The following DDX10 variants were observed in gnomAD, a reference collection of about 807,000 sequenced individuals.
DDX10 encodes the protein DEAD-box helicase 10, also known as probable ATP-dependent RNA helicase DDX10.
In DDX10, 74 loss-of-function variants were observed where a neutral mutation model predicts 104.3. That is an observed-to-expected ratio of 0.71 (90% CI 0.59 to 0.86). The LOEUF (loss-of-function observed/expected upper bound fraction) is 0.86, where lower values mean the gene tolerates loss of function less well. Ranked by LOEUF, DDX10 falls within the 40% of genes least tolerant of loss-of-function variation. The pLI is 0.00. For missense variants in DDX10, 952 were observed against 1,040.0 expected (o/e 0.92, Z 1.16); for synonymous variants, 351 against 353.4 (o/e 0.99, Z 0.08).
At chr11:108,782,611 A>AT (rs770687304) in intron 13 of DDX10, among the ~76,000 whole-genome samples, 86 of 149,932 alleles carry the variant, frequency 5.7e-4, no homozygotes, top group Non-Finnish European at 9.8e-4. Flanking sequence ...AGAAGTAAAT[A>AT]TTTTTTTTTT....
In DDX10 at chr11:108,677,254, T is replaced by C. The variant is rs1172109114; in HGVS notation, c.537+11T>C. On this transcript the variant is annotated intron_variant, in intron 4 of 17. Coordinates refer to ENST00000322536, the MANE Select transcript of DDX10 (RefSeq NM_004398.4). The stretch of plus-strand genomic sequence containing the variant: ...ATCATTGGTGGAAAGGTTTGTCCTT[T>C]TGTCTATGTCCTTCCTTTCCTTCTG... 1.2e-6 allele frequency: 2 copies of C among 1,609,496 alleles called. No individual in the cohort carries two copies. Among genetic ancestry groups the C allele is most frequent in the Admixed American group, 3.3e-5 (2 of 59,820 alleles).
At chr11:108,725,306 C>T (rs2128246) in intron 13 of DDX10, among the ~76,000 whole-genome samples, 18,661 of 151,970 alleles carry the variant, frequency 0.12, 1,554 homozygotes, top group East Asian at 0.27. Context: ...TTTCTCATTT[C>T]TTGGGGAAAC....
At position 108,914,444 on chromosome 11, in the gene DDX10, C is replaced by T. The variant is rs373384565; in HGVS notation, c.2305-3429C>T. On this transcript the variant is annotated intron_variant, in intron 16 of 17. Transcript: ENST00000322536. ...TTGGCTAAGTACCACATTGTACAGG[C>T]TCAGGGGAGACCCATAGGAAACTAG... is the stretch of plus-strand genomic sequence containing the variant. Among the ~76,000 whole-genome samples the T allele has an allele frequency of 5.3e-5, 8 of 152,068 alleles. No individual in the cohort carries two copies. In the East Asian group the frequency reaches 7.7e-4, roughly 15 times the overall value.
At chr11:108,778,295 A>C (rs2094372871) in intron 13 of DDX10, among the ~76,000 whole-genome samples, 1 of 152,234 alleles carries the variant, frequency 6.6e-6, no homozygotes, top group Admixed American at 6.5e-5. Context: ...TTCAAACTAT[A>C]CTACAAGGCT....
At chr11:108,770,122 G>T (rs1264877700) in intron 13 of DDX10, among the ~76,000 whole-genome samples, 1 of 152,130 alleles carries the variant, frequency 6.6e-6, no homozygotes, top group East Asian at 1.9e-4. Context: ...AAAAGGAGGA[G>T]TGTTTTTATT....
chr11:108,777,984 C>T (rs1165318246), intron 13 of DDX10, among the ~76,000 whole-genome samples: 3 of 152,248 alleles, frequency 2.0e-5, no homozygotes, highest in South Asian at 2.1e-4. Context: ...ATCCAACTTA[C>T]AAGGGATGCG....
chr11:108,887,558 C>G (rs1428314969), intron 16 of DDX10, among the ~76,000 whole-genome samples: 1 of 150,860 alleles, frequency 6.6e-6, no homozygotes. Context: ...TAAACCCACA[C>G]TAACCGGAAA....
At chr11:108,779,928 T>G (rs1024748767) in intron 13 of DDX10, among the ~76,000 whole-genome samples, 1 of 152,182 alleles carries the variant, frequency 6.6e-6, no homozygotes, top group Non-Finnish European at 1.5e-5. Context: ...TGGAGTGAGA[T>G]GAGTTAGTAT....
intron 4 of DDX10, 70 bp from the exon 5 acceptor site, chr11:108,678,245 T>C (rs918810026): frequency 4.8e-5 from 72 of 1,507,162 alleles, no homozygotes; most frequent in Non-Finnish European, 6.0e-5. Context: ...GCAGATGGCT[T>C]TTATAGCTTT....
chr11:108,755,765 T>C (rs949900333), intron 13 of DDX10, among the ~76,000 whole-genome samples: 70 of 152,156 alleles, frequency 4.6e-4, no homozygotes, highest in African/African-American at 1.5e-3. Context: ...CAGCCATTTG[T>C]AAACTGTGTA....
At chr11:108,845,859 AGTT>A (rs1238184687) in intron 15 of DDX10, among the ~76,000 whole-genome samples, 1 of 152,162 alleles carries the variant, frequency 6.6e-6, no homozygotes, top group Non-Finnish European at 1.5e-5. Context: ...GTTTGGAAGT[AGTT>A]GTTTGCTCTT....
intron 10 of DDX10, 114 bp from the exon 11 acceptor site, chr11:108,715,765 T>A: frequency 1.6e-6 from 1 of 623,624 alleles, no homozygotes; most frequent in Non-Finnish European, 2.9e-6. Flanking sequence ...GATTCATAGA[T>A]GAGAAATAGT....
chr11:108,850,946 A>T (rs1475807949), intron 15 of DDX10, among the ~76,000 whole-genome samples: 1 of 152,200 alleles, frequency 6.6e-6, no homozygotes, highest in Non-Finnish European at 1.5e-5. Context: ...ACATAGATTT[A>T]AAAAGATAAC....
intron 16 of DDX10, among the ~76,000 whole-genome samples, chr11:108,854,933 GAT>G (rs1171923673): frequency 4.6e-5 from 7 of 150,918 alleles, no homozygotes; most frequent in African/African-American, 1.7e-4. Flanking sequence ...TCAGGAATCT[GAT>G]ATGACTTTTT....
Position 108,807,866 on chromosome 11 carries a change from T to A in DDX10, c.1966-30580T>A, listed in dbSNP as rs577508768. 1.2e-4 allele frequency among the ~76,000 whole-genome samples: 19 copies of A among 152,300 alleles called. No homozygotes were observed. In the South Asian group the frequency reaches 3.9e-3, roughly 32 times the overall value. On this transcript the variant is annotated intron_variant, in intron 13 of 17. Transcript: ENST00000322536. ...TTCTGAAATACAAAATACAGGGTTT[T>A]CAGTAGGAATAGTATGAAGGAAAAG...
intron 17 of DDX10, among the ~76,000 whole-genome samples, chr11:108,933,010 A>C (rs1863992582): frequency 6.6e-6 from 1 of 151,960 alleles, no homozygotes; most frequent in Non-Finnish European, 1.5e-5. Context: ...ATGCTGTTAA[A>C]GAAAAAAATT....
intron 13 of DDX10, among the ~76,000 whole-genome samples, chr11:108,823,891 A>G (rs528709443): frequency 6.6e-6 from 1 of 152,314 alleles, no homozygotes; most frequent in South Asian, 2.1e-4. Context: ...TTTTGTTCAA[A>G]CAAATTCTGA....
At position 108,783,197 on chromosome 11, in the gene DDX10, AG is replaced by A. The variant is rs552236613; in HGVS notation, c.1966-55248del. On this transcript the variant is annotated intron_variant, in intron 13 of 17. Coordinates refer to ENST00000322536, the MANE Select transcript of DDX10 (RefSeq NM_004398.4). ...AGACTGTGAGCTTTTTAAAGATATG[AG>A]ACTGTTTCAGTCATCTTTATACATC... is the stretch of plus-strand genomic sequence containing the variant. 3.3e-3 allele frequency among the ~76,000 whole-genome samples: 501 copies of A among 152,308 alleles called. 1 individual carries two copies. Among genetic ancestry groups the A allele is most frequent in the African/African-American group, 0.011 (471 of 41,576 alleles).
chr11:108,783,975 G>T (rs1861748022), intron 13 of DDX10, among the ~76,000 whole-genome samples: 1 of 152,184 alleles, frequency 6.6e-6, no homozygotes, highest in African/African-American at 2.4e-5. Flanking sequence ...CTCTATCCAT[G>T]TTGCAGCAAA....
Sources: gnomAD v4.1 joint callset for allele counts (sites outside exome capture counted in the v4.1 genomes callset) on GRCh38, gnomAD v4.1.1 for gene constraint, MANE v1.5 for transcripts, NCBI Gene and HGNC (gene_info 2026-07-23, HGNC 2026-07-21) for gene names.